The following ADGRD1 variants were observed in gnomAD, a reference collection of about 807,000 sequenced individuals.
The protein encoded by ADGRD1 is adhesion G protein-coupled receptor D1, also known as G-protein coupled receptor 133.
Under a neutral mutation model 113.4 loss-of-function variants are expected in ADGRD1, and 77 were observed. The ratio of observed to expected loss-of-function variants is 0.68; its 90% CI spans 0.57 to 0.82. The LOEUF (loss-of-function observed/expected upper bound fraction) is 0.82. Ranked by LOEUF, ADGRD1 falls within the 40% of genes least tolerant of loss-of-function variation. ADGRD1 has a pLI of 0.00. For missense variants in ADGRD1, 1,036 were observed against 1,139.1 expected, an observed-to-expected ratio of 0.91 and a Z score of 1.30; for synonymous variants, 474 against 475.0, an observed-to-expected ratio of 1.00 and a Z score of 0.03.
At chr12:131,054,338 ATAGAT>A (rs2137056833) in intron 13 of ADGRD1, among the ~76,000 whole-genome samples, 1 of 152,202 alleles carries the variant, frequency 6.6e-6, no homozygotes, top group South Asian at 2.1e-4. Context: ...TTCTTTCGCC[ATAGAT>A]TAATCTGCAT....
At chr12:131,015,955 G>C (rs968312634) in intron 13 of ADGRD1, among the ~76,000 whole-genome samples, 7 of 152,180 alleles carry the variant, frequency 4.6e-5, no homozygotes, top group Non-Finnish European at 1.0e-4. Flanking sequence ...TGGGCCTGTC[G>C]GCAGATGTCT....
At chr12:131,093,974 GAGCACCCAGCCTC>G (rs1342697116) in intron 15 of ADGRD1, among the ~76,000 whole-genome samples, 1 of 140,152 alleles carries the variant, frequency 7.1e-6, no homozygotes, top group Non-Finnish European at 1.6e-5. Flanking sequence ...ACCCAGCCCT[GAGCACCCAGCCTC>G]AGCACCCAGC....
At chr12:131,038,303 C>A (rs926851165) in intron 13 of ADGRD1, among the ~76,000 whole-genome samples, 1 of 152,234 alleles carries the variant, frequency 6.6e-6, no homozygotes. Flanking sequence ...GTGCGCTGAG[C>A]CAGGGCAGGT....
chr12:131,115,032 C>G (rs531279620), intron 18 of ADGRD1, among the ~76,000 whole-genome samples: 2 of 152,226 alleles, frequency 1.3e-5, no homozygotes, highest in Admixed American at 1.3e-4. Context: ...CCAGGCCCCC[C>G]CTTTCTCTGA....
intron 15 of ADGRD1, among the ~76,000 whole-genome samples, chr12:131,103,291 G>A (rs1342046997): frequency 6.6e-6 from 1 of 152,264 alleles, no homozygotes; most frequent in Admixed American, 6.5e-5. Flanking sequence ...TTTCACTCCT[G>A]AAGGGGGCCA....
intron 14 of ADGRD1, among the ~76,000 whole-genome samples, chr12:131,080,261 A>AT (rs1240690489): frequency 1.1e-4 from 17 of 152,296 alleles, no homozygotes; most frequent in African/African-American, 2.9e-4. Context: ...GTGTAGTTTA[A>AT]TTCCAAATAG....
At chr12:131,056,490 C>T (rs559280667) in intron 13 of ADGRD1, among the ~76,000 whole-genome samples, 1 of 152,246 alleles carries the variant, frequency 6.6e-6, no homozygotes, top group Non-Finnish European at 1.5e-5. Flanking sequence ...TGGAGCCCAT[C>T]ATTGCTGAGG....
At position 131,129,814 on chromosome 12, in the gene ADGRD1, T is replaced by G. The variant is rs1324960958; in HGVS notation, c.2176-1911T>G. 2.6e-5 allele frequency among the ~76,000 whole-genome samples: 4 copies of G among 152,244 alleles called. No individual in the cohort carries two copies. The East Asian group carries it at 7.7e-4, about 29-fold the overall frequency. ...AAGAGCAGGCAGGGTCTGTGGCAGT[T>G]TGACTTGGGGCACCTTCCATCTCCA... On this transcript the variant is annotated intron_variant, in intron 20 of 24. Transcript: ENST00000261654.
At chr12:131,002,167 G>T (rs775251552) in intron 9 of ADGRD1, among the ~76,000 whole-genome samples, 1 of 141,108 alleles carries the variant, frequency 7.1e-6, no homozygotes, top group Non-Finnish European at 1.5e-5. Flanking sequence ...CCAGGCAGAC[G>T]TATTTTGTGC....
Position 131,118,551 on chromosome 12 carries a change from G to C in ADGRD1, c.2108+100G>C. ...GCCTTCCTGTGCTCTTCTGGGTGCA[G>C]GGGTGCTGTGCAAAGCTGGCTCCCA... On this transcript the variant is annotated intron_variant, in intron 19 of 24. Transcript: ENST00000261654. The C allele has an allele frequency of 5.9e-6, 5 of 847,570 alleles. No individual in the cohort carries two copies. The Admixed American group carries it at 1.2e-4, about 21-fold the overall frequency. 52.5% of individuals were successfully genotyped at this position (847,570 alleles called of 1,614,324 possible).
At chr12:130,968,693 A>G (rs1871281287) in intron 3 of ADGRD1, 2 of 438,964 alleles carry the variant, frequency 4.6e-6, no homozygotes, top group African/African-American at 2.0e-5. Context: ...GTATCTGCCT[A>G]TGTGTTGGAG....
At chr12:131,004,382 G>C (rs1016274213) in intron 11 of ADGRD1, 86 bp downstream of exon 11, 1 of 788,290 alleles carries the variant, frequency 1.3e-6, no homozygotes, top group East Asian at 2.7e-5. Flanking sequence ...GGTGCCCACC[G>C]CGCCAGGGAG....
intron 13 of ADGRD1, among the ~76,000 whole-genome samples, chr12:131,019,036 G>A (rs1401237533): frequency 3.9e-5 from 6 of 152,190 alleles, no homozygotes; most frequent in South Asian, 2.1e-4. Context: ...GCCTGTGCCC[G>A]GGTGTGCACA....
intron 5 of ADGRD1, among the ~76,000 whole-genome samples, chr12:130,982,396 C>T (rs1015843742): frequency 6.6e-5 from 10 of 152,218 alleles, no homozygotes; most frequent in Non-Finnish European, 1.0e-4. Context: ...GTTTCCAGGA[C>T]ATTAAGCTGA....
chr12:131,070,980 A>G, intron 13 of ADGRD1: 1 of 516,640 alleles, frequency 1.9e-6, no homozygotes, highest in Admixed American at 1.9e-5. Context: ...AGGGGAATGT[A>G]AGAGAGGCTG....
intron 13 of ADGRD1, among the ~76,000 whole-genome samples, chr12:131,062,442 G>C (rs1884409004): frequency 6.6e-6 from 1 of 152,176 alleles, no homozygotes; most frequent in African/African-American, 2.4e-5. Context: ...ATGCCCAGGA[G>C]TACTATTACA....
intron 13 of ADGRD1, among the ~76,000 whole-genome samples, chr12:131,016,773 A>T (rs1247124933): frequency 6.6e-6 from 1 of 152,150 alleles, no homozygotes; most frequent in Non-Finnish European, 1.5e-5. Flanking sequence ...CGAGCCTGTA[A>T]TCCCAGCTAC....
intron 11 of ADGRD1, 121 bp from the exon 12 acceptor site, chr12:131,005,851 C>T: frequency 1.3e-6 from 1 of 760,596 alleles, no homozygotes; most frequent in Non-Finnish European, 2.3e-6. Context: ...TCACTTCCTT[C>T]TCCCCAGAGG....
At chr12:130,963,337 A>G (rs924980449) in intron 2 of ADGRD1, among the ~76,000 whole-genome samples, 5 of 150,616 alleles carry the variant, frequency 3.3e-5, no homozygotes, top group Admixed American at 6.6e-5. Flanking sequence ...AAAAAAAAAA[A>G]AAAAAGAAAG....
Sources: allele counts gnomAD v4.1 joint callset (sites outside exome capture counted in the v4.1 genomes callset), GRCh38; gene constraint gnomAD v4.1.1; transcripts MANE v1.5; gene names NCBI Gene and HGNC (gene_info 2026-07-23, HGNC 2026-07-21).